The following MESD variants were observed in gnomAD, a reference collection of about 807,000 sequenced individuals.
MESD encodes the protein mesoderm development LRP chaperone.
A neutral mutation model predicts 12.9 loss-of-function variants in MESD; 7 were observed. That is an observed-to-expected ratio of 0.54 (90% CI 0.31 to 1.02). MESD has a LOEUF of 1.02. Among genes scored for constraint, MESD ranks in the 50% least tolerant of loss-of-function variants. MESD has a pLI of 0.05. For missense variants in MESD, 342 were observed against 296.7 expected (o/e 1.15, Z -1.12); for synonymous variants, 126 against 115.6 (o/e 1.09, Z -0.58).
At position 80,976,773 on chromosome 15, in the gene MESD, C is replaced by T. The variant is rs1366441633; in HGVS notation, c.*2446G>A. 6.6e-6 allele frequency: 1 copy of T among 152,240 alleles called. No homozygotes were observed. Among genetic ancestry groups the T allele is most frequent in the African/African-American group, 2.4e-5 (1 of 41,448 alleles). The allele number at this position is 152,240 out of a possible 1,614,324, so 9.4% of individuals were successfully genotyped here. ...GAAATATTTTGTATGAAAATGTCCA[C>T]TGCAGCACTGAATATACCAGCAAAA... On this transcript the variant is annotated 3_prime_UTR_variant, in exon 3 of 3. Transcript: ENST00000261758.
chr15:80,967,229 T>G (rs548427824), intron 3 of MESD, among the ~76,000 whole-genome samples: 30 of 150,192 alleles, frequency 2.0e-4, no homozygotes, highest in Admixed American at 1.1e-3. Flanking sequence ...GAGGTGGAGG[T>G]TGTGGTGAAC....
chr15:80,970,515 G>C (rs1222749637), intron 3 of MESD: 5 of 152,196 alleles, frequency 3.3e-5, no homozygotes, highest in African/African-American at 1.2e-4. Context: ...CACATGCAGT[G>C]CATAATGGGA....
In MESD at chr15:80,979,399, G is replaced by C. The variant is rs567709423; in HGVS notation, c.525C>G (p.Val175=). Residue 175 remains valine, a synonymous_variant, in exon 3 of 3, where the codon GTC becomes GTG. Coordinates refer to ENST00000261758, the MANE Select transcript of MESD (RefSeq NM_015154.3). The part of the protein sequence containing the change: ...SYAWEIKDFL[V]GQDRCADVTL... Reference sequence around the variant, plus strand: ...TTACATCAGCACACCTGTCTTGACCGACCAAAAAGTCCTTGATCTCCCAGG... The same window carrying C: ...TTACATCAGCACACCTGTCTTGACCCACCAAAAAGTCCTTGATCTCCCAGG... The C allele has an allele frequency of 1.9e-6, 3 of 1,614,112 alleles. No individual in the cohort carries two copies. In the Admixed American group the frequency reaches 5.0e-5, roughly 27 times the overall value.
chr15:80,978,944 G>A lies in MESD; in HGVS notation c.*275C>T, dbSNP rs1167357751. ...TTGATGACTCACCAAGTGTAAATGG[G>A]AAAAAGCAACACAGTCACATTTCCA... On this transcript the variant is annotated 3_prime_UTR_variant, in exon 3 of 3. Coordinates refer to ENST00000261758, the MANE Select transcript of MESD (RefSeq NM_015154.3). 3 of 483,860 alleles carry A rather than the reference G, an allele frequency of 6.2e-6. No homozygotes were observed. The highest frequency in any genetic ancestry group is 1.1e-5 in the Non-Finnish European group (3 of 273,672). 30.0% of individuals were successfully genotyped at this position (483,860 alleles called of 1,614,324 possible). A position where few individuals can be genotyped will look rare whatever the true frequency, so the allele number is the denominator to read the frequency against.
downstream of MESD, among the ~76,000 whole-genome samples, chr15:80,973,534 C>A (rs537153891): frequency 6.6e-5 from 10 of 151,648 alleles, no homozygotes; most frequent in African/African-American, 2.4e-4. Flanking sequence ...GGCCCTGTCT[C>A]AAAAAAAATA....
rs193035628 is a variant in MESD at position 80,979,426 on chromosome 15, G to A, written c.498C>T (p.Tyr166=). The change falls in exon 3 of 3, where the codon TAC becomes TAT. Residue 166 remains tyrosine, a synonymous_variant. Transcript: ENST00000261758. ...RAIFMLRDGS[Y]AWEIKDFLVG... ...CCAAAAAGTCCTTGATCTCCCAGGC[G>A]TAGCTCCCATCGCGAAGCATGAAGA... is the stretch of plus-strand genomic sequence containing the variant. The A allele has an allele frequency of 2.7e-5, 44 of 1,614,150 alleles. 1 individual carries two copies. In the Admixed American group the frequency reaches 3.3e-4, roughly 12 times the overall value.
intron 3 of MESD, among the ~76,000 whole-genome samples, chr15:80,958,628 T>C (rs1339493897): frequency 6.6e-6 from 1 of 151,940 alleles, no homozygotes; most frequent in Non-Finnish European, 1.5e-5. Flanking sequence ...CCACCGTGCC[T>C]GGCCTTAGGC....
chr15:80,966,910 G>A (rs1029086476), intron 3 of MESD, among the ~76,000 whole-genome samples: 4 of 152,166 alleles, frequency 2.6e-5, no homozygotes, highest in African/African-American at 7.2e-5. Context: ...GGGCAGTTCC[G>A]CTGGTTAAAT....
intron 3 of MESD, among the ~76,000 whole-genome samples, chr15:80,959,877 G>A (rs186965375): frequency 2.6e-5 from 4 of 152,286 alleles, no homozygotes; most frequent in South Asian, 2.1e-4. Flanking sequence ...GGAGTGGGGC[G>A]GTGGGTGGGA....
At position 80,975,980 on chromosome 15, in the gene MESD, T is replaced by C. The variant is rs1043396695; in HGVS notation, c.*3239A>G. The C allele has an allele frequency of 1.3e-5, 2 of 152,140 alleles. No homozygotes were observed. Among genetic ancestry groups the C allele is most frequent in the Non-Finnish European group, 2.9e-5 (2 of 68,008 alleles). 9.4% of individuals were successfully genotyped at this position (152,140 alleles called of 1,614,324 possible). ...ACCCTGTCTCAAAAACAAAAACAAA[T>C]GACATTTCTCTTAAAAAATTTTTGT... On this transcript the variant is annotated 3_prime_UTR_variant, in exon 3 of 3. Coordinates refer to ENST00000261758, the MANE Select transcript of MESD (RefSeq NM_015154.3).
At chr15:80,964,432 CACTG>C (rs1902140766) in intron 3 of MESD, among the ~76,000 whole-genome samples, 1 of 151,800 alleles carries the variant, frequency 6.6e-6, no homozygotes, top group Admixed American at 6.6e-5. Context: ...ATCAAACTAC[CACTG>C]ACTTTCTTCA....
At chr15:80,968,513 T>C (rs573123328) in intron 3 of MESD, among the ~76,000 whole-genome samples, 1 of 152,238 alleles carries the variant, frequency 6.6e-6, no homozygotes, top group East Asian at 1.9e-4. Flanking sequence ...ATAGTTAACA[T>C]GTACTGAAAG....
At chr15:80,947,306 T>C (rs1901599360), downstream of MESD, 4 of 493,728 alleles carry the variant, frequency 8.1e-6, no homozygotes, top group Admixed American at 6.6e-5. Context: ...TGAAAGAAAA[T>C]TGCTATATTT....
chr15:80,980,892 C>T (rs752284312), intron 2 of MESD, among the ~76,000 whole-genome samples: 8 of 151,102 alleles, frequency 5.3e-5, no homozygotes, highest in East Asian at 2.0e-4. Context: ...GACGCAATCT[C>T]GGCTCACTGC....
rs372214907 is a variant in MESD, at chr15:80,954,850, T to C, written c.*289-2554A>G. ...AATATTATGAGTTTTTTTGCATTTT[T>C]TTAAAGCTCATCAGCTATCGTTAAG... On this transcript the variant is annotated intron_variant, in intron 3 of 4. Transcript: ENST00000561312. 1.2e-4 allele frequency among the ~76,000 whole-genome samples: 18 copies of C among 152,382 alleles called. No individual in the cohort carries two copies. In the East Asian group the frequency reaches 1.3e-3, roughly 11 times the overall value.
At chr15:80,969,797 G>A (rs1902248407) in intron 3 of MESD, among the ~76,000 whole-genome samples, 1 of 152,224 alleles carries the variant, frequency 6.6e-6, no homozygotes, top group Non-Finnish European at 1.5e-5. Flanking sequence ...GGAAGTTGCA[G>A]TGAGCCGAGA....
intron 1 of MESD, among the ~76,000 whole-genome samples, chr15:80,989,359 G>T (rs576011595): frequency 8.5e-5 from 13 of 152,322 alleles, no homozygotes; most frequent in African/African-American, 2.6e-4. Flanking sequence ...GGAGGAACAG[G>T]GCACTGGAAT....
At chr15:80,979,667 C>T (rs991272482) in intron 2 of MESD, among the ~76,000 whole-genome samples, 190 bp from the exon 3 acceptor site, 2 of 152,210 alleles carry the variant, frequency 1.3e-5, no homozygotes, top group Non-Finnish European at 2.9e-5. Context: ...AACTATTAAA[C>T]ATCCAGCTCA....
intron 1 of MESD, among the ~76,000 whole-genome samples, chr15:80,983,086 T>C (rs946507207): frequency 6.6e-6 from 1 of 151,600 alleles, no homozygotes; most frequent in African/African-American, 2.4e-5. Flanking sequence ...TTAAAAAAAA[T>C]TTAAAAATTA....
Sources: gnomAD v4.1 joint callset for allele counts (sites outside exome capture counted in the v4.1 genomes callset) on GRCh38, gnomAD v4.1.1 for gene constraint, MANE v1.5 for transcripts, NCBI Gene and HGNC (gene_info 2026-07-23, HGNC 2026-07-21) for gene names.